The following ANKS1A variants were observed in gnomAD, a reference collection of about 807,000 sequenced individuals.
ANKS1A encodes ankyrin repeat and SAM domain-containing protein 1A.
A neutral mutation model predicts 120.3 loss-of-function variants in ANKS1A; 55 were observed. That is an observed-to-expected ratio of 0.46 (90% confidence interval 0.37 to 0.57). The LOEUF is 0.57. Ranked by LOEUF, ANKS1A falls within the 20% of genes least tolerant of loss-of-function variation. The pLI is 0.00. For synonymous variants in ANKS1A, 590 were observed against 604.7 expected (o/e 0.98, Z 0.36); for missense variants, 1,123 against 1,480.3 (o/e 0.76, Z 3.96).
rs923956020 is a variant in ANKS1A at position 35,044,671 on chromosome 6, A to G, written c.2011-9428A>G. 1.4e-4 allele frequency among the ~76,000 whole-genome samples: 21 copies of G among 152,218 alleles called. No individual in the cohort carries two copies. Among genetic ancestry groups the G allele is most frequent in the African/African-American group, 4.3e-4 (18 of 41,450 alleles). The stretch of plus-strand genomic sequence containing the variant: ...CAGCTGAGTGTCCAGGAAGTGAGCT[A>G]TTGTTCACACAACATGTTCTAAACG... On this transcript the variant is annotated intron_variant, in intron 11 of 23. Transcript: ENST00000360359. The surrounding 1 kb of genome is among the most constrained non-coding windows in gnomAD (Gnocchi z 4.4).
chr6:35,006,509 C>G (rs1254846780), intron 10 of ANKS1A, among the ~76,000 whole-genome samples: 1 of 152,114 alleles, frequency 6.6e-6, no homozygotes, highest in East Asian at 1.9e-4. Context: ...AATCCCAGCA[C>G]TTTGGGAGGC....
intron 8 of ANKS1A, 73 bp downstream of exon 8, chr6:34,985,351 G>A: frequency 6.8e-7 from 1 of 1,462,582 alleles, no homozygotes; most frequent in Admixed American, 2.0e-5. Flanking sequence ...GGGGCACGGG[G>A]AAGGGAAGTG....
chr6:34,979,417 G>C (rs997169577), intron 3 of ANKS1A, among the ~76,000 whole-genome samples: 1 of 152,162 alleles, frequency 6.6e-6, no homozygotes, highest in African/African-American at 2.4e-5. Flanking sequence ...TAAGTAAGAT[G>C]CTCCCTATAC....
In ANKS1A at chr6:35,053,954, A is replaced by C. The variant is rs952597088; in HGVS notation, c.2011-145A>C. On this transcript the variant is annotated intron_variant, in intron 11 of 23. Transcript: ENST00000360359. ...GGCCTCTCTTAGACCTGAGCAGCAGAGTCCTGATACCTTGCAGGCTGGTGC... is the reference window on the plus strand; with the variant it reads ...GGCCTCTCTTAGACCTGAGCAGCAGCGTCCTGATACCTTGCAGGCTGGTGC... 8 of 680,634 alleles carry C rather than the reference A, an allele frequency of 1.2e-5. No individual in the cohort carries two copies. The Admixed American group carries it at 1.8e-4, about 15-fold the overall frequency. The allele number at this position is 680,634 out of a possible 1,614,324, so 42.2% of individuals were successfully genotyped here.
chr6:35,016,780 A>AG (rs66769329), intron 10 of ANKS1A, among the ~76,000 whole-genome samples: 745 of 54,272 alleles, frequency 0.014, 2 homozygotes, highest in Middle Eastern at 0.098. Context: ...AAAAAAAAAA[A>AG]AAGAGAGAGA....
intron 11 of ANKS1A, 46 bp from the exon 12 acceptor site, chr6:35,054,053 C>A: frequency 1.3e-6 from 2 of 1,566,000 alleles, no homozygotes; most frequent in Non-Finnish European, 1.8e-6. Context: ...GTAAGGTTTA[C>A]CCCAAGCCTG....
chr6:35,082,442 C>T lies in ANKS1A; in HGVS notation c.2710-249C>T, dbSNP rs544864427. Among the ~76,000 whole-genome samples, 5 of 152,230 alleles carry T rather than the reference C, an allele frequency of 3.3e-5. No homozygotes were observed. The highest frequency in any genetic ancestry group is 2.6e-4 in the Admixed American group (4 of 15,296). ...CTCCTTTGAGACTCATCTCGGACAC[C>T]ACAGAGACTGTCCTTCCCAAGCCCT... is the stretch of plus-strand genomic sequence containing the variant. On this transcript the variant is annotated intron_variant, in intron 17 of 23. Coordinates refer to ENST00000360359, the MANE Select transcript of ANKS1A (RefSeq NM_015245.3). This position sits in a 1 kb window ranked among gnomAD's most constrained non-coding sequence, Gnocchi z 4.1.
At chr6:35,043,112 G>GTTA (rs1348656525) in intron 11 of ANKS1A, among the ~76,000 whole-genome samples, 1 of 152,222 alleles carries the variant, frequency 6.6e-6, no homozygotes, top group Admixed American at 6.5e-5. Context: ...AAGGGTCTTA[G>GTTA]TTAACTGAGT....
chr6:35,064,672 A>G (rs998530286), intron 13 of ANKS1A, among the ~76,000 whole-genome samples: 3 of 152,112 alleles, frequency 2.0e-5, no homozygotes, highest in Non-Finnish European at 1.5e-5. Context: ...ATCACCTCCT[A>G]TGACATCCCT....
chr6:34,954,029 A>G (rs1770219936), intron 1 of ANKS1A, among the ~76,000 whole-genome samples: 1 of 152,214 alleles, frequency 6.6e-6, no homozygotes. Context: ...AAGGCACTGG[A>G]GATATAAGGC....
rs541188404 is a variant in ANKS1A, at chr6:35,058,996, C to T, written c.2078-1151C>T. 3.9e-5 allele frequency among the ~76,000 whole-genome samples: 6 copies of T among 152,330 alleles called. No homozygotes were observed. In the East Asian group the frequency reaches 9.6e-4, roughly 24 times the overall value. On this transcript the variant is annotated intron_variant, in intron 12 of 23. Coordinates refer to ENST00000360359, the MANE Select transcript of ANKS1A (RefSeq NM_015245.3). The surrounding 1 kb of genome is among the most constrained non-coding windows in gnomAD (Gnocchi z 5.1). Reference sequence around the variant, plus strand: ...TATCACTCAGCCAAAGAGAGAACAGCGCAGGACGTGAATAGACTTAAGCCG... The same window carrying T: ...TATCACTCAGCCAAAGAGAGAACAGTGCAGGACGTGAATAGACTTAAGCCG...
At chr6:34,975,273 G>A (rs1771501349) in intron 3 of ANKS1A, among the ~76,000 whole-genome samples, 1 of 151,600 alleles carries the variant, frequency 6.6e-6, no homozygotes, top group Admixed American at 6.6e-5. Context: ...GGCCAACATG[G>A]CAAAACCCCA....
chr6:35,041,183 T>G lies in ANKS1A; in HGVS notation c.2011-12916T>G, dbSNP rs563673284. On this transcript the variant is annotated intron_variant, in intron 11 of 23. Coordinates refer to ENST00000360359, the MANE Select transcript of ANKS1A (RefSeq NM_015245.3). ...TCTTTCCTTGGCTCCTCTGACTGCC[T>G]TCTCTCTAGATATTGTCTTGAGGTT... Among the ~76,000 whole-genome samples, 180 of 152,358 alleles carry G rather than the reference T, an allele frequency of 1.2e-3. No homozygotes were observed. The Middle Eastern group carries it at 0.014, about 12-fold the overall frequency.
At chr6:35,088,162 C>A (rs929000707) in intron 23 of ANKS1A, among the ~76,000 whole-genome samples, 2 of 152,246 alleles carry the variant, frequency 1.3e-5, no homozygotes, top group Non-Finnish European at 2.9e-5. Flanking sequence ...AGCCTCCTGA[C>A]TCCTCCGAAA....
rs140058857 is a variant in ANKS1A, at chr6:34,897,917, GGC to G, written c.197+8319_197+8320del. Among the ~76,000 whole-genome samples, 19 of 152,318 alleles carry G rather than the reference GGC, an allele frequency of 1.2e-4. No individual in the cohort carries two copies. The East Asian group carries it at 2.9e-3, about 23-fold the overall frequency. On this transcript the variant is annotated intron_variant, in intron 1 of 23. Coordinates refer to ENST00000360359, the MANE Select transcript of ANKS1A (RefSeq NM_015245.3). ...TTAAGTGGTGAGGACATACTATGGT[GGC>G]TAAGGATCAGGTTCTGACCCAACTC...
At position 35,060,896 on chromosome 6, in the gene ANKS1A, ACT is replaced by A. The variant is rs1776462142; in HGVS notation, c.2184+646_2184+647del. Among the ~76,000 whole-genome samples, 1 of 152,052 alleles carries A rather than the reference ACT, an allele frequency of 6.6e-6. No individual in the cohort carries two copies. The highest frequency in any genetic ancestry group is 1.5e-5 in the Non-Finnish European group (1 of 68,008). ...ACCCTGGGCTCAGGATCTGGTGCAC[ACT>A]CTGTCATTTCAGAAAGTAGCTCTGA... On this transcript the variant is annotated intron_variant, in intron 13 of 23. Transcript: ENST00000360359. This position sits in a 1 kb window ranked among gnomAD's most constrained non-coding sequence, Gnocchi z 4.5.
intron 13 of ANKS1A, among the ~76,000 whole-genome samples, chr6:35,067,558 T>G (rs1776840961): frequency 6.6e-6 from 1 of 152,110 alleles, no homozygotes; most frequent in Non-Finnish European, 1.5e-5. Context: ...CCACAGGTGT[T>G]GATAAATACA....
At position 34,889,653 on chromosome 6, in the gene ANKS1A, G is replaced by A; in HGVS notation, c.197+54G>A. On this transcript the variant is annotated intron_variant, in intron 1 of 23. Coordinates refer to ENST00000360359, the MANE Select transcript of ANKS1A (RefSeq NM_015245.3). This position sits in a 1 kb window ranked among gnomAD's most constrained non-coding sequence, Gnocchi z 5.5. ...CCTGCAGACCCTTTCTCCCCCACCC[G>A]TCTCTTGGGTCCCCAGAGAGATCGG... 1.6e-6 allele frequency: 2 copies of A among 1,251,360 alleles called. No individual in the cohort carries two copies. The highest frequency in any genetic ancestry group is 3.4e-5 in the Admixed American group (1 of 29,750). The allele number at this position is 1,251,360 out of a possible 1,614,324, so 77.5% of individuals were successfully genotyped here.
chr6:34,951,472 G>C (rs1410774546), intron 1 of ANKS1A, among the ~76,000 whole-genome samples: 1 of 152,094 alleles, frequency 6.6e-6, no homozygotes, highest in Non-Finnish European at 1.5e-5. Flanking sequence ...CGTGTCAGTT[G>C]CATGTGTGAA....
Sources: allele counts gnomAD v4.1 joint callset (sites outside exome capture counted in the v4.1 genomes callset), GRCh38; gene constraint gnomAD v4.1.1; non-coding constraint Gnocchi (gnomAD v3.1); transcripts MANE v1.5; gene names NCBI Gene and HGNC (gene_info 2026-07-23, HGNC 2026-07-21).